Variants in SMG6 observed in about 807,000 individuals in gnomAD.
SMG6 encodes telomerase-binding protein EST1A.
In SMG6, 66 loss-of-function variants were observed where a neutral mutation model predicts 142.2. That is an observed-to-expected ratio of 0.46 (90% CI 0.38 to 0.57). The LOEUF (loss-of-function observed/expected upper bound fraction) is 0.57. SMG6 is among the 20% of genes least tolerant of loss of function. SMG6 has a pLI of 0.00. For missense variants in SMG6, 1,793 were observed against 1,832.0 expected, an observed-to-expected ratio of 0.98 and a Z score of 0.39; for synonymous variants, 779 against 702.4, an observed-to-expected ratio of 1.11 and a Z score of -1.72.
At chr17:2,065,257 C>G in intron 17 of SMG6, 103 bp from the exon 18 acceptor site, 1 of 1,080,106 alleles carries the variant, frequency 9.3e-7, no homozygotes, top group Non-Finnish European at 1.4e-6. Flanking sequence ...AGGGCCACCT[C>G]CCCGATCCCT....
In SMG6 at chr17:2,283,852, A is replaced by G. The variant is rs924918630; in HGVS notation, c.2338-117T>C. On this transcript the variant is annotated intron_variant, in intron 6 of 18. Coordinates refer to ENST00000263073, the MANE Select transcript of SMG6 (RefSeq NM_017575.5). ...CAGCCTGTCTCCCAAACTGAGAGGA[A>G]TCCCAACAACAAAATCAGAAATGCT... 22 of 708,962 alleles carry G rather than the reference A, an allele frequency of 3.1e-5. No individual in the cohort carries two copies. The African/African-American group carries it at 3.7e-4, about 12-fold the overall frequency. 43.9% of individuals were successfully genotyped at this position (708,962 alleles called of 1,614,324 possible).
chr17:2,253,701 T>G (rs752095434), intron 8 of SMG6, among the ~76,000 whole-genome samples: 6 of 152,184 alleles, frequency 3.9e-5, no homozygotes, highest in Non-Finnish European at 7.3e-5. Context: ...CTCCCAATGC[T>G]AAGAGCCCAC....
chr17:2,287,932 G>A (rs1282975977), intron 6 of SMG6, among the ~76,000 whole-genome samples: 1 of 152,162 alleles, frequency 6.6e-6, no homozygotes, highest in Non-Finnish European at 1.5e-5. Context: ...TAGATATGGA[G>A]TTCCAGTTTT....
chr17:2,079,852 A>T (rs1434385470), intron 15 of SMG6, among the ~76,000 whole-genome samples: 2 of 152,116 alleles, frequency 1.3e-5, no homozygotes, highest in East Asian at 3.9e-4. Context: ...AGGCGGGCAG[A>T]TCACCTGAGG....
intron 12 of SMG6, 150 bp from the exon 13 acceptor site, chr17:2,173,009 C>G: frequency 1.4e-6 from 1 of 720,082 alleles, no homozygotes; most frequent in East Asian, 2.7e-5. Flanking sequence ...TGCTAGGAAA[C>G]AAAACTGTGC....
At chr17:2,127,010 G>T (rs191818198) in intron 13 of SMG6, among the ~76,000 whole-genome samples, 1 of 151,890 alleles carries the variant, frequency 6.6e-6, no homozygotes, top group Admixed American at 6.6e-5. Context: ...GTGGTGGTAC[G>T]TGCTTGTGGT....
At chr17:2,289,150 T>G (rs912043242) in intron 6 of SMG6, among the ~76,000 whole-genome samples, 2 of 150,790 alleles carry the variant, frequency 1.3e-5, no homozygotes, top group African/African-American at 2.4e-5. Flanking sequence ...TTTGGGGGGC[T>G]GAGGCAGAAG....
intron 10 of SMG6, among the ~76,000 whole-genome samples, chr17:2,192,309 GA>G (rs2072188863): frequency 1.3e-5 from 2 of 152,256 alleles, no homozygotes; most frequent in African/African-American, 4.8e-5. Context: ...GTTGGTCACA[GA>G]AAAATCTGGC....
intron 13 of SMG6, chr17:2,088,617 TTGTC>T (rs1200483180): frequency 1.0e-6 from 1 of 985,224 alleles, no homozygotes; most frequent in Non-Finnish European, 1.2e-6. Context: ...GAGAGAAAGG[TTGTC>T]TGTCTTTTGG....
chr17:2,066,284 A>C (rs1486365772), intron 16 of SMG6, among the ~76,000 whole-genome samples: 1 of 149,268 alleles, frequency 6.7e-6, no homozygotes, highest in African/African-American at 2.5e-5. Flanking sequence ...GTGTGCGTGT[A>C]TGTGTCTGTG....
At chr17:2,303,511 C>T in intron 1 of SMG6, 122 bp downstream of exon 1, 2 of 1,330,054 alleles carry the variant, frequency 1.5e-6, no homozygotes, top group Non-Finnish European at 9.6e-7. Flanking sequence ...GGCCCCAGCG[C>T]CTACTGCTGG....
chr17:2,113,040 G>C (rs911781448), intron 13 of SMG6, among the ~76,000 whole-genome samples: 1 of 151,698 alleles, frequency 6.6e-6, no homozygotes, highest in African/African-American at 2.4e-5. Context: ...TTACAGGTGT[G>C]AGCCACTGTT....
chr17:2,168,463 G>A (rs1259296752), intron 13 of SMG6, among the ~76,000 whole-genome samples: 1 of 152,148 alleles, frequency 6.6e-6, no homozygotes, highest in East Asian at 1.9e-4. Flanking sequence ...GATTACAGGC[G>A]TGAGCCATCA....
chr17:2,061,431 C>A lies in SMG6; in HGVS notation c.*61G>T. 2 of 1,500,934 alleles carry A rather than the reference C, an allele frequency of 1.3e-6. No homozygotes were observed. The highest frequency in any genetic ancestry group is 1.8e-6 in the Non-Finnish European group (2 of 1,118,694). 93.0% of individuals were successfully genotyped at this position (1,500,934 alleles called of 1,614,324 possible). On this transcript the variant is annotated 3_prime_UTR_variant, in exon 19 of 19. Coordinates refer to ENST00000263073, the MANE Select transcript of SMG6 (RefSeq NM_017575.5). ...GCACGTGGGCATCTTCCGTGCTACACTGGGCGCCTGGTGGCCTTTCAGGAA... is the reference window on the plus strand; with the variant it reads ...GCACGTGGGCATCTTCCGTGCTACAATGGGCGCCTGGTGGCCTTTCAGGAA...
chr17:2,146,595 C>T (rs1306005776), intron 13 of SMG6, among the ~76,000 whole-genome samples: 5 of 152,174 alleles, frequency 3.3e-5, no homozygotes, highest in African/African-American at 7.2e-5. Flanking sequence ...GGCTACAGTG[C>T]GGTGGCGTGA....
chr17:2,302,667 G>A (rs999985737), intron 1 of SMG6, among the ~76,000 whole-genome samples: 4 of 152,206 alleles, frequency 2.6e-5, no homozygotes, highest in Non-Finnish European at 4.4e-5. Flanking sequence ...GTAGGTGTAA[G>A]GAAAAGGGGA....
intron 12 of SMG6, among the ~76,000 whole-genome samples, chr17:2,185,872 G>A (rs1190505198): frequency 4.6e-5 from 7 of 152,136 alleles, no homozygotes; most frequent in African/African-American, 7.2e-5. Context: ...CTCCCCACAC[G>A]CTGCCATGCC....
intron 13 of SMG6, among the ~76,000 whole-genome samples, chr17:2,120,136 T>C (rs1199645657): frequency 1.3e-5 from 2 of 152,254 alleles, no homozygotes; most frequent in East Asian, 3.9e-4. Context: ...GAGAACCGAG[T>C]AGAAGATCCT....
intron 13 of SMG6, among the ~76,000 whole-genome samples, chr17:2,109,995 A>C (rs1597397520): frequency 6.8e-6 from 1 of 147,906 alleles, no homozygotes. Flanking sequence ...AGGCATGAGA[A>C]TTGCTTGAAC....
Sources: allele counts gnomAD v4.1 joint callset (sites outside exome capture counted in the v4.1 genomes callset), GRCh38; gene constraint gnomAD v4.1.1; transcripts MANE v1.5; gene names NCBI Gene and HGNC (gene_info 2026-07-23, HGNC 2026-07-21).